The following GRID1 variants were observed in gnomAD, a reference collection of about 807,000 sequenced individuals.
GRID1 encodes the protein glutamate ionotropic receptor delta type subunit 1.
Under a neutral mutation model 98.0 loss-of-function variants are expected in GRID1, and 28 were observed. The ratio of observed to expected loss-of-function variants is 0.29; its 90% CI spans 0.21 to 0.39. The LOEUF (loss-of-function observed/expected upper bound fraction) is 0.39. Among genes scored for constraint, GRID1 ranks in the 10% least tolerant of loss-of-function variants. The probability of loss-of-function intolerance (pLI) is 1.00; values close to 1 mark genes in which losing one functional copy is unlikely to be tolerated. For missense variants in GRID1, 1,111 were observed against 1,340.5 expected (o/e 0.83, Z 2.67); for synonymous variants, 553 against 538.5 (o/e 1.03, Z -0.37).
chr10:85,649,729 G>A (rs1843240985), intron 12 of GRID1, among the ~76,000 whole-genome samples: 1 of 152,038 alleles, frequency 6.6e-6, no homozygotes. Context: ...ATTCATTAAG[G>A]CGCCCACGGC....
intron 2 of GRID1, among the ~76,000 whole-genome samples, chr10:86,207,542 T>G (rs1444692248): frequency 1.3e-5 from 2 of 151,762 alleles, no homozygotes; most frequent in Non-Finnish European, 2.9e-5. Flanking sequence ...CTCCCAACGC[T>G]GCAACCCACT....
At chr10:85,909,582 C>T (rs772890634) in intron 5 of GRID1, among the ~76,000 whole-genome samples, 1 of 152,202 alleles carries the variant, frequency 6.6e-6, no homozygotes, top group African/African-American at 2.4e-5. Context: ...AAGGAAAGAA[C>T]TATTGCTACA....
chr10:85,639,809 G>A (rs1444181695), intron 13 of GRID1, among the ~76,000 whole-genome samples: 1 of 152,196 alleles, frequency 6.6e-6, no homozygotes, highest in African/African-American at 2.4e-5. Flanking sequence ...GGAGGCGGAG[G>A]TTGCGGTGAG....
intron 8 of GRID1, among the ~76,000 whole-genome samples, chr10:85,795,989 G>A (rs191541125): frequency 2.3e-3 from 346 of 150,800 alleles, no homozygotes; most frequent in African/African-American, 8.3e-3. Context: ...AGTTAAGGGA[G>A]GGTTGCAAAC....
intron 4 of GRID1, among the ~76,000 whole-genome samples, chr10:85,921,238 T>C (rs1488807877): frequency 6.6e-6 from 1 of 152,180 alleles, no homozygotes; most frequent in African/African-American, 2.4e-5. Context: ...GACTTATGTG[T>C]ATATCCACAT....
At chr10:86,309,601 C>T (rs111645125) in intron 2 of GRID1, among the ~76,000 whole-genome samples, 1,691 of 152,242 alleles carry the variant, frequency 0.011, 40 homozygotes, top group African/African-American at 0.039. Context: ...CTGGCAGCAC[C>T]GCGTGGGAGG....
At chr10:85,986,943 C>T (rs564106702) in intron 4 of GRID1, among the ~76,000 whole-genome samples, 1 of 152,302 alleles carries the variant, frequency 6.6e-6, no homozygotes, top group African/African-American at 2.4e-5. Context: ...TCCATCACAA[C>T]CACTACAGCT....
At chr10:86,343,336 G>T (rs571133976) in intron 2 of GRID1, among the ~76,000 whole-genome samples, 5 of 152,306 alleles carry the variant, frequency 3.3e-5, no homozygotes, top group African/African-American at 1.2e-4. Flanking sequence ...CACAGAGATG[G>T]TATGTTACTG....
At chr10:85,859,481 C>T (rs1843145238) in intron 6 of GRID1, among the ~76,000 whole-genome samples, 1 of 152,002 alleles carries the variant, frequency 6.6e-6, no homozygotes, top group Non-Finnish European at 1.5e-5. Context: ...AAGGCATACA[C>T]TAACCATGTT....
At chr10:85,811,724 C>T (rs1048436883) in intron 8 of GRID1, among the ~76,000 whole-genome samples, 21 of 152,032 alleles carry the variant, frequency 1.4e-4, no homozygotes, top group African/African-American at 5.1e-4. Flanking sequence ...AAGTGAATAA[C>T]TATTTGCATT....
intron 12 of GRID1, among the ~76,000 whole-genome samples, chr10:85,716,902 A>G (rs1841646028): frequency 6.6e-6 from 1 of 152,132 alleles, no homozygotes; most frequent in African/African-American, 2.4e-5. Context: ...CTAAAGAGTC[A>G]AACTCATAGA....
At chr10:86,265,149 C>T (rs971078116) in intron 2 of GRID1, among the ~76,000 whole-genome samples, 3 of 152,190 alleles carry the variant, frequency 2.0e-5, no homozygotes, top group South Asian at 2.1e-4. Context: ...CCACCCTGCC[C>T]GGCCCCCCAT....
At chr10:86,244,058 G>C (rs1846682376) in intron 2 of GRID1, among the ~76,000 whole-genome samples, 1 of 152,136 alleles carries the variant, frequency 6.6e-6, no homozygotes, top group African/African-American at 2.4e-5. Flanking sequence ...ATATACACAG[G>C]CATGCAAACA....
intron 3 of GRID1, among the ~76,000 whole-genome samples, chr10:86,190,529 G>T (rs1262455430): frequency 6.6e-6 from 1 of 152,204 alleles, no homozygotes; most frequent in Non-Finnish European, 1.5e-5. Context: ...CAGTAGCCAA[G>T]ACCTGGTTAG....
chr10:86,061,214 C>A (rs1304822764), intron 4 of GRID1, among the ~76,000 whole-genome samples: 1 of 152,198 alleles, frequency 6.6e-6, no homozygotes, highest in South Asian at 2.1e-4. Context: ...CAGCTCCGAG[C>A]AGCTCCACCA....
chr10:86,357,190 G>A (rs1848544353), intron 2 of GRID1, among the ~76,000 whole-genome samples: 1 of 152,210 alleles, frequency 6.6e-6, no homozygotes. Flanking sequence ...TCTCAACCAT[G>A]GCCATTGGCC....
At chr10:86,072,522 C>T (rs1472093745) in intron 4 of GRID1, among the ~76,000 whole-genome samples, 1 of 152,056 alleles carries the variant, frequency 6.6e-6, no homozygotes, top group East Asian at 1.9e-4. Flanking sequence ...AAACACATCT[C>T]AGGAAATACA....
chr10:86,136,617 ACC>A (rs1015085947), intron 4 of GRID1, among the ~76,000 whole-genome samples: 22 of 152,250 alleles, frequency 1.4e-4, no homozygotes, highest in Non-Finnish European at 2.6e-4. Context: ...CATCGTGGGC[ACC>A]CAAGAAACCT....
intron 6 of GRID1, among the ~76,000 whole-genome samples, chr10:85,866,220 G>A (rs1332960623): frequency 2.7e-5 from 4 of 149,758 alleles, no homozygotes; most frequent in Admixed American, 2.7e-4. Context: ...CTGTGATAAG[G>A]GGCTGGAAAG....
Sources: allele counts gnomAD v4.1 joint callset (sites outside exome capture counted in the v4.1 genomes callset), GRCh38; gene constraint gnomAD v4.1.1; transcripts MANE v1.5; gene names NCBI Gene and HGNC (gene_info 2026-07-23, HGNC 2026-07-21).